ACSF3: variants seen among roughly 807,000 people sequenced by gnomAD.
ACSF3 encodes the protein acyl-CoA synthetase family member 3.
ACSF3 carries 78 observed loss-of-function variants against 53.2 expected under a neutral mutation model. The observed-to-expected ratio is 1.47, with a 90% CI of 1.22 to 1.77. The LOEUF (loss-of-function observed/expected upper bound fraction) is 1.77. ACSF3 is among the 40% of genes most tolerant of loss of function. ACSF3 has a pLI of 0.00. For missense variants in ACSF3, 937 were observed against 771.1 expected (o/e 1.22, Z -2.55); for synonymous variants, 414 against 333.1 (o/e 1.24, Z -2.65).
chr16:89,133,692 A>C (rs1598043129), intron 8 of ACSF3, among the ~76,000 whole-genome samples: 1 of 152,256 alleles, frequency 6.6e-6, no homozygotes, highest in East Asian at 1.9e-4. Flanking sequence ...GCTTAGCCAC[A>C]CTTGTGCCCT....
At chr16:89,140,739 G>T (rs747288183) in intron 8 of ACSF3, among the ~76,000 whole-genome samples, 1 of 152,096 alleles carries the variant, frequency 6.6e-6, no homozygotes, top group African/African-American at 2.4e-5. Flanking sequence ...ACAAGTTCTC[G>T]CTGGGGGACT....
Position 89,105,461 on chromosome 16 carries a change from A to T in ACSF3, c.822+2702A>T, listed in dbSNP as rs536948018. On this transcript the variant is annotated intron_variant, in intron 4 of 10. Transcript: ENST00000614302. ...CGTGAGTGCACTGTGTGGGTGGTGCAGCGCCTGGTGTGTAGGGAACTTCCA... is the reference window on the plus strand; with the variant it reads ...CGTGAGTGCACTGTGTGGGTGGTGCTGCGCCTGGTGTGTAGGGAACTTCCA... Among the ~76,000 whole-genome samples, 108 of 152,206 alleles carry T rather than the reference A, an allele frequency of 7.1e-4. 2 individuals are homozygous for T. Among genetic ancestry groups the T allele is most frequent in the African/African-American group, 2.6e-3 (106 of 41,536 alleles).
intron 5 of ACSF3, chr16:89,114,046 C>T (rs777549237): frequency 1.0e-4 from 45 of 440,884 alleles, no homozygotes; most frequent in Admixed American, 9.8e-4. Context: ...TTGCAGGGGA[C>T]ACCGCGGACC....
At chr16:89,127,933 A>G (rs922372646) in intron 7 of ACSF3, among the ~76,000 whole-genome samples, 1 of 152,144 alleles carries the variant, frequency 6.6e-6, no homozygotes, top group African/African-American at 2.4e-5. Context: ...CCCATTCCTC[A>G]TGTTGGTAAT....
chr16:89,126,278 TG>T (rs2151497781), intron 7 of ACSF3, among the ~76,000 whole-genome samples: 1 of 152,312 alleles, frequency 6.6e-6, no homozygotes, highest in South Asian at 2.1e-4. Context: ...GAGAGTTGTT[TG>T]TTTTTTTGAG....
chr16:89,103,832 G>A (rs1975657316), intron 4 of ACSF3, among the ~76,000 whole-genome samples: 1 of 152,222 alleles, frequency 6.6e-6, no homozygotes, highest in African/African-American at 2.4e-5. Flanking sequence ...AGGGAAGGAC[G>A]CGGTGCTGGT....
chr16:89,152,167 T>TTGTCCC (rs772239797), intron 10 of ACSF3: 3 of 152,260 alleles, frequency 2.0e-5, no homozygotes, highest in Non-Finnish European at 4.4e-5. Context: ...AACACAGAGT[T>TTGTCCC]TGTCCCCTGT....
At chr16:89,145,134 G>T in intron 8 of ACSF3, 133 bp from the exon 9 acceptor site, 1 of 1,605,624 alleles carries the variant, frequency 6.2e-7, no homozygotes, top group Non-Finnish European at 8.5e-7. Flanking sequence ...TTGCCACAGG[G>T]TAGTAACCAG....
At chr16:89,124,908 C>T (rs1182671303) in intron 7 of ACSF3, among the ~76,000 whole-genome samples, 1 of 152,224 alleles carries the variant, frequency 6.6e-6, no homozygotes, top group Admixed American at 6.5e-5. Context: ...TGTTCTGTTC[C>T]CTTGATCTAT....
chr16:89,118,088 T>G (rs67017814), intron 6 of ACSF3, among the ~76,000 whole-genome samples: 1 of 75,480 alleles, frequency 1.3e-5, no homozygotes, highest in Non-Finnish European at 2.9e-5. Context: ...GGGGACGCTC[T>G]CTCTTCTCTA....
At chr16:89,117,617 C>A (rs1905385878) in intron 6 of ACSF3, among the ~76,000 whole-genome samples, 2 of 151,596 alleles carry the variant, frequency 1.3e-5, no homozygotes, top group Non-Finnish European at 2.9e-5. Context: ...TCAGGAGCAG[C>A]CCAGGGACCG....
chr16:89,129,120 T>C (rs1908772964), intron 7 of ACSF3, among the ~76,000 whole-genome samples: 1 of 151,836 alleles, frequency 6.6e-6, no homozygotes, highest in Non-Finnish European at 1.5e-5. Context: ...AGAGCAAGAG[T>C]GTGTGTCCTG....
chr16:89,117,045 C>T (rs1034228339), intron 6 of ACSF3, among the ~76,000 whole-genome samples: 7 of 152,146 alleles, frequency 4.6e-5, no homozygotes, highest in South Asian at 4.1e-4. Context: ...GTAATATGGA[C>T]GGAATGAGCA....
At chr16:89,111,251 T>C (rs551271026) in intron 4 of ACSF3, among the ~76,000 whole-genome samples, 17 of 152,390 alleles carry the variant, frequency 1.1e-4, no homozygotes, top group African/African-American at 3.8e-4. Flanking sequence ...TCTTTGTCTT[T>C]GAAAGAATGA....
chr16:89,150,891 A>G, intron 10 of ACSF3: 1 of 911,394 alleles, frequency 1.1e-6, no homozygotes. Flanking sequence ...AAAGAAGAAC[A>G]GGAAGGGAGG....
chr16:89,098,785 T>C, intron 2 of ACSF3, 22 bp downstream of exon 2: 1 of 454,208 alleles, frequency 2.2e-6, no homozygotes, highest in Non-Finnish European at 4.4e-6. Context: ...CTTGGCCTCC[T>C]TTGCTTTTCT....
chr16:89,128,886 T>C (rs1225346158), intron 7 of ACSF3, among the ~76,000 whole-genome samples: 3 of 152,134 alleles, frequency 2.0e-5, no homozygotes, highest in Non-Finnish European at 2.9e-5. Flanking sequence ...CCCAACACTT[T>C]GGGAGGCCAA....
chr16:89,108,748 G>C (rs972725302), intron 4 of ACSF3, among the ~76,000 whole-genome samples: 1 of 152,128 alleles, frequency 6.6e-6, no homozygotes, highest in African/African-American at 2.4e-5. Flanking sequence ...TTCATCATAT[G>C]GATATACCAC....
intron 1 of ACSF3, among the ~76,000 whole-genome samples, chr16:89,098,180 T>C (rs1306482144): frequency 6.6e-6 from 1 of 152,262 alleles, no homozygotes; most frequent in Non-Finnish European, 1.5e-5. Context: ...AAACATACTT[T>C]GGCTCTGACA....
Sources: gnomAD v4.1 joint callset for allele counts (sites outside exome capture counted in the v4.1 genomes callset) on GRCh38, gnomAD v4.1.1 for gene constraint, MANE v1.5 for transcripts, NCBI Gene and HGNC (gene_info 2026-07-23, HGNC 2026-07-21) for gene names.